DLGAP2: variants seen among roughly 807,000 people sequenced by gnomAD.
DLGAP2 encodes the protein disks large-associated protein 2.
DLGAP2 carries 26 observed loss-of-function variants against 100.3 expected under a neutral mutation model. The observed-to-expected ratio is 0.26, with a 90% confidence interval of 0.19 to 0.36. The LOEUF is 0.36. DLGAP2 is among the 10% of genes least tolerant of loss of function. The pLI is 1.00. For missense variants in DLGAP2, 1,858 were observed against 1,453.2 expected, an observed-to-expected ratio of 1.28 and a Z score of -4.53; for synonymous variants, 886 against 630.1, an observed-to-expected ratio of 1.41 and a Z score of -6.08.
At chr8:877,776 T>C (rs1046859434) in intron 1 of DLGAP2, among the ~76,000 whole-genome samples, 34 of 152,208 alleles carry the variant, frequency 2.2e-4, no homozygotes, top group African/African-American at 7.2e-4. Context: ...CTTCTTCATA[T>C]TCTGTGCAAA....
At chr8:1,268,385 T>G (rs571351291) in intron 3 of DLGAP2, among the ~76,000 whole-genome samples, 1 of 152,228 alleles carries the variant, frequency 6.6e-6, no homozygotes, top group Admixed American at 6.5e-5. Flanking sequence ...AAAGAAATAT[T>G]AGAATTATTC....
At chr8:1,424,810 T>C (rs1797195100) in intron 3 of DLGAP2, among the ~76,000 whole-genome samples, 1 of 152,152 alleles carries the variant, frequency 6.6e-6, no homozygotes, top group Non-Finnish European at 1.5e-5. Flanking sequence ...ATGATCCCCT[T>C]ATACGCAGCA....
intron 2 of DLGAP2, among the ~76,000 whole-genome samples, chr8:1,129,848 C>G (rs988429836): frequency 6.6e-6 from 1 of 152,128 alleles, no homozygotes; most frequent in African/African-American, 2.4e-5. Context: ...AGTCAGCAAC[C>G]GTGGGCCTTG....
intron 2 of DLGAP2, among the ~76,000 whole-genome samples, chr8:1,129,564 G>C (rs969451283): frequency 5.3e-5 from 8 of 152,096 alleles, no homozygotes; most frequent in Non-Finnish European, 2.9e-5. Context: ...ATATTATTTC[G>C]AGAGGGGCAC....
intron 2 of DLGAP2, among the ~76,000 whole-genome samples, chr8:932,000 C>G (rs568027387): frequency 1.3e-5 from 2 of 152,210 alleles, no homozygotes; most frequent in East Asian, 1.9e-4. Context: ...GTTAATCTTT[C>G]TTTTATTTGA....
intron 2 of DLGAP2, among the ~76,000 whole-genome samples, chr8:1,029,961 A>G (rs1407964937): frequency 6.6e-6 from 1 of 152,148 alleles, no homozygotes; most frequent in Non-Finnish European, 1.5e-5. Context: ...CGGTTAAGGG[A>G]AGAGGAGCTC....
intron 3 of DLGAP2, among the ~76,000 whole-genome samples, chr8:1,490,954 A>G (rs918693704): frequency 4.0e-5 from 6 of 150,624 alleles, no homozygotes; most frequent in Non-Finnish European, 7.4e-5. Context: ...CAGCACACCA[A>G]CATGGCACAT....
At chr8:1,201,186 C>G (rs1042272501) in intron 2 of DLGAP2, among the ~76,000 whole-genome samples, 1 of 152,176 alleles carries the variant, frequency 6.6e-6, no homozygotes, top group Admixed American at 6.5e-5. Context: ...GTAGGGAGCC[C>G]CTTGTCCATC....
intron 3 of DLGAP2, among the ~76,000 whole-genome samples, chr8:1,435,475 G>A (rs531239069): frequency 6.6e-6 from 1 of 152,138 alleles, no homozygotes; most frequent in Non-Finnish European, 1.5e-5. Flanking sequence ...TGACTCACGT[G>A]TGACTTACCC....
chr8:1,169,787 G>C (rs1219692233), intron 2 of DLGAP2, among the ~76,000 whole-genome samples: 1 of 151,726 alleles, frequency 6.6e-6, no homozygotes, highest in Non-Finnish European at 1.5e-5. Flanking sequence ...TTTGGGCTGA[G>C]ACAGTGGGAT....
At position 1,570,770 on chromosome 8, in the gene DLGAP2, G is replaced by A. The variant is rs902177716; in HGVS notation, c.1442+4876G>A. On this transcript the variant is annotated intron_variant, in intron 6 of 14. Transcript: ENST00000637795. ...GATGGAGAGGAGAGGGGTGAACTGCGGGGGTGTCTGATGAGATGGAGAGGA... is the reference window on the plus strand; with the variant it reads ...GATGGAGAGGAGAGGGGTGAACTGCAGGGGTGTCTGATGAGATGGAGAGGA... 7.3e-5 allele frequency among the ~76,000 whole-genome samples: 11 copies of A among 150,068 alleles called. No individual in the cohort carries two copies. The East Asian group carries it at 8.0e-4, about 11-fold the overall frequency.
At chr8:1,178,709 A>G (rs1433267502) in intron 2 of DLGAP2, among the ~76,000 whole-genome samples, 1 of 152,162 alleles carries the variant, frequency 6.6e-6, no homozygotes, top group Non-Finnish European at 1.5e-5. Context: ...AGTTTTAGCA[A>G]CTGCTGGGCA....
At chr8:788,427 G>A (rs1821937123) in intron 1 of DLGAP2, among the ~76,000 whole-genome samples, 1 of 152,176 alleles carries the variant, frequency 6.6e-6, no homozygotes, top group African/African-American at 2.4e-5. Flanking sequence ...TTGAGGCCTT[G>A]GCGTCTGTGT....
chr8:1,111,286 G>A lies in DLGAP2; in HGVS notation c.74-147565G>A, dbSNP rs570299289. Among the ~76,000 whole-genome samples, 9 of 152,294 alleles carry A rather than the reference G, an allele frequency of 5.9e-5. No homozygotes were observed. The East Asian group carries it at 9.6e-4, about 16-fold the overall frequency. ...CAGAAATCGTCTTCCCTCAGCTCCC[G>A]GAAGACCCAGCACTGTGTGTGCTGA... On this transcript the variant is annotated intron_variant, in intron 2 of 14. Coordinates refer to ENST00000637795, the MANE Select transcript of DLGAP2 (RefSeq NM_001346810.2).
At chr8:1,614,568 G>A (rs1184714406) in intron 6 of DLGAP2, among the ~76,000 whole-genome samples, 2 of 152,120 alleles carry the variant, frequency 1.3e-5, no homozygotes, top group South Asian at 2.1e-4. Flanking sequence ...GTGCCCACAC[G>A]AGCTCCGGGG....
intron 2 of DLGAP2, among the ~76,000 whole-genome samples, chr8:1,143,150 GA>G (rs1225280575): frequency 2.0e-5 from 3 of 152,146 alleles, no homozygotes. Flanking sequence ...TAAATTGGGG[GA>G]AACAGTCTCT....
chr8:1,201,605 C>T (rs1014774771), intron 2 of DLGAP2, among the ~76,000 whole-genome samples: 1 of 152,190 alleles, frequency 6.6e-6, no homozygotes, highest in African/African-American at 2.4e-5. Flanking sequence ...CAGGGGTAGA[C>T]ACAGGTGCAG....
At chr8:1,210,401 G>T (rs537081368) in intron 2 of DLGAP2, among the ~76,000 whole-genome samples, 1 of 152,350 alleles carries the variant, frequency 6.6e-6, no homozygotes, top group East Asian at 1.9e-4. Context: ...AACTTGAGAT[G>T]TCTTGAGGGC....
chr8:1,173,740 C>T (rs191983419), intron 2 of DLGAP2, among the ~76,000 whole-genome samples: 5 of 152,302 alleles, frequency 3.3e-5, no homozygotes, highest in South Asian at 2.1e-4. Context: ...GGAAAAAGCA[C>T]AGTATTCGGG....
Sources: gnomAD v4.1 joint callset for allele counts (sites outside exome capture counted in the v4.1 genomes callset) on GRCh38, gnomAD v4.1.1 for gene constraint, MANE v1.5 for transcripts, NCBI Gene and HGNC (gene_info 2026-07-23, HGNC 2026-07-21) for gene names.